PMF1: variants seen among roughly 807,000 people sequenced by gnomAD.
PMF1 encodes the protein polyamine-modulated factor 1.
Under a neutral mutation model 26.7 loss-of-function variants are expected in PMF1, and 21 were observed. The observed-to-expected ratio is 0.79, with a 90% CI of 0.56 to 1.13. The LOEUF (loss-of-function observed/expected upper bound fraction) is 1.13. Ranked by LOEUF, PMF1 falls within the 50% of genes most tolerant of loss-of-function variation. The probability of loss-of-function intolerance (pLI) is 0.00; values close to 1 mark genes in which losing one functional copy is unlikely to be tolerated. For synonymous variants in PMF1, 105 were observed against 101.0 expected (o/e 1.04, Z -0.24); for missense variants, 266 against 254.9 (o/e 1.04, Z -0.30).
chr1:156,225,310 A>ATTTTTTTTTTTGTTT (rs1658303064), intron 1 of PMF1, among the ~76,000 whole-genome samples: 1 of 79,508 alleles, frequency 1.3e-5, no homozygotes, highest in African/African-American at 4.8e-5. Context: ...TTTTTTTTTA[A>ATTTTTTTTTTTGTTT]TTTCAGTAGT....
intron 1 of PMF1, among the ~76,000 whole-genome samples, chr1:156,224,900 ATTTT>A (rs34315812): frequency 6.7e-6 from 1 of 148,674 alleles, no homozygotes; most frequent in African/African-American, 2.5e-5. Context: ...CAAATGGAGA[ATTTT>A]TTTTTTTTCC....
intron 2 of PMF1, 84 bp downstream of exon 2, chr1:156,232,509 C>A: frequency 7.7e-7 from 1 of 1,304,032 alleles, no homozygotes; most frequent in Non-Finnish European, 1.1e-6. Context: ...TGGCCCCACC[C>A]TCTACACCTC....
At chr1:156,215,943 C>T (rs985297430) in intron 1 of PMF1, among the ~76,000 whole-genome samples, 4 of 152,112 alleles carry the variant, frequency 2.6e-5, no homozygotes, top group African/African-American at 9.7e-5. Flanking sequence ...CCTGCCTCGG[C>T]CACTTATTTA....
chr1:156,213,661 T>G (rs1185668901), intron 1 of PMF1, among the ~76,000 whole-genome samples: 1 of 151,736 alleles, frequency 6.6e-6, no homozygotes, highest in Non-Finnish European at 1.5e-5. Flanking sequence ...GGCCCACCAC[T>G]ATGTGAGCAA....
intron 3 of PMF1, among the ~76,000 whole-genome samples, chr1:156,235,435 A>AT (rs36002644): frequency 0.023 from 1,578 of 69,010 alleles, 79 homozygotes; most frequent in African/African-American, 0.061. Flanking sequence ...TTGAAAAATA[A>AT]TTTTTTTTTT....
At chr1:156,227,910 C>T (rs1186107995) in intron 1 of PMF1, among the ~76,000 whole-genome samples, 2 of 149,654 alleles carry the variant, frequency 1.3e-5, no homozygotes, top group Non-Finnish European at 3.0e-5. Context: ...GGATTACAGG[C>T]GTGAGCCACT....
chr1:156,235,342 C>T (rs1572504901), intron 3 of PMF1, among the ~76,000 whole-genome samples: 2 of 149,614 alleles, frequency 1.3e-5, no homozygotes, highest in East Asian at 2.0e-4. Flanking sequence ...CAGGCTGGTC[C>T]CAAACACCGG....
At position 156,225,756 on chromosome 1, in the gene PMF1, C is replaced by A. The variant is rs186136213; in HGVS notation, c.162-6564C>A. Reference sequence around the variant, plus strand: ...TCTTTTATCTTTCCATGCTGTCCTGCACAATTTATCTGCATATGTAAACCA... The same window carrying A: ...TCTTTTATCTTTCCATGCTGTCCTGAACAATTTATCTGCATATGTAAACCA... On this transcript the variant is annotated intron_variant, in intron 1 of 4. Transcript: ENST00000368277. The A allele has an allele frequency of 1.6e-3, 920 of 560,606 alleles. 10 individuals carry two copies. The highest frequency in any genetic ancestry group is 0.012 in the Admixed American group (402 of 34,518). 34.7% of individuals were successfully genotyped at this position (560,606 alleles called of 1,614,324 possible). A position where few individuals can be genotyped will look rare whatever the true frequency, so the allele number is the denominator to read the frequency against.
In PMF1 at chr1:156,213,371, G is replaced by A. The variant is rs187158516; in HGVS notation, c.161+195G>A. On this transcript the variant is annotated intron_variant, in intron 1 of 4. Transcript: ENST00000368277. ...CGCACTGATAACCTGTAGCGGACCGGGATAGCTAGCTACTCCTTCCTACAG... is the reference window on the plus strand; with the variant it reads ...CGCACTGATAACCTGTAGCGGACCGAGATAGCTAGCTACTCCTTCCTACAG... Among the ~76,000 whole-genome samples, 35 of 152,296 alleles carry A rather than the reference G, an allele frequency of 2.3e-4. 1 individual carries two copies. In the East Asian group the frequency reaches 6.7e-3, roughly 29 times the overall value.
Position 156,233,685 on chromosome 1 carries a change from G to A in PMF1, c.325G>A (p.Asp109Asn). 1.2e-6 allele frequency: 2 copies of A among 1,613,756 alleles called. No homozygotes were observed. The highest frequency in any genetic ancestry group is 1.7e-6 in the Non-Finnish European group (2 of 1,179,818). ...CCTAGAAGCTGTCTTGAATGCCTTGGATAAAATTGTGGAAGAAGGCAAAGT... is the reference window on the plus strand; with the variant it reads ...CCTAGAAGCTGTCTTGAATGCCTTGAATAAAATTGTGGAAGAAGGCAAAGT... Reference protein sequence around the residue: ...GNLEAVLNALDKIVEEGKVRK... With the variant: ...GNLEAVLNALNKIVEEGKVRK... Residue 109 changes from aspartate to asparagine, a missense_variant, in exon 3 of 5, where the codon GAT (aspartate) becomes AAT (asparagine). By Grantham distance (23) the Asp-to-Asn change is conservative. Coordinates refer to ENST00000368277, the MANE Select transcript of PMF1 (RefSeq NM_007221.4).
rs377059409 is a variant in PMF1, at chr1:156,233,718, G to A, written c.358G>A (p.Glu120Lys). 6 of 1,613,572 alleles carry A rather than the reference G, an allele frequency of 3.7e-6. No individual in the cohort carries two copies. Among genetic ancestry groups the A allele is most frequent in the Non-Finnish European group, 5.1e-6 (6 of 1,179,794 alleles). ...KIVEEGKVRKEPAWRPSGIPE... is the reference protein window; with the variant it reads ...KIVEEGKVRKKPAWRPSGIPE... ...TGTGGAAGAAGGCAAAGTCCGCAAAGAGCCAGCCTGGTGAGAGTGGGGTGG... is the reference window on the plus strand; with the variant it reads ...TGTGGAAGAAGGCAAAGTCCGCAAAAAGCCAGCCTGGTGAGAGTGGGGTGG... The change falls in exon 3 of 5, where the codon GAG (glutamate) becomes AAG (lysine). Residue 120 changes from glutamate (E) to lysine (K), a missense_variant. Physicochemically the swap from Glu to Lys is moderately conservative, Grantham distance 56. Transcript: ENST00000368277.
At chr1:156,238,803 C>T (rs1659183657) in intron 4 of PMF1, among the ~76,000 whole-genome samples, 1 of 152,146 alleles carries the variant, frequency 6.6e-6, no homozygotes, top group African/African-American at 2.4e-5. Context: ...TCCCTACTGT[C>T]CCCACTCCCT....
intron 1 of PMF1, among the ~76,000 whole-genome samples, chr1:156,217,199 A>T (rs1034686189): frequency 1.3e-5 from 2 of 149,054 alleles, no homozygotes; most frequent in Non-Finnish European, 3.0e-5. Context: ...TAACCTGCAC[A>T]ATGTGCACAT....
chr1:156,231,171 C>T (rs567135974), intron 1 of PMF1, among the ~76,000 whole-genome samples: 252 of 134,352 alleles, frequency 1.9e-3, no homozygotes, highest in Middle Eastern at 9.9e-3. Context: ...GAGCCGAGAT[C>T]GCGCCACTGC....
intron 4 of PMF1, among the ~76,000 whole-genome samples, chr1:156,238,531 C>T (rs1386693044): frequency 6.6e-6 from 1 of 152,212 alleles, no homozygotes; most frequent in Admixed American, 6.5e-5. Flanking sequence ...TAGTAGGGCT[C>T]AAGTGGCGGC....
intron 3 of PMF1, among the ~76,000 whole-genome samples, chr1:156,235,468 G>C (rs1347393347): frequency 1.8e-5 from 2 of 109,000 alleles, no homozygotes; most frequent in Admixed American, 2.5e-4. Flanking sequence ...TTGAGACAGA[G>C]TCTCGCTCTG....
intron 1 of PMF1, among the ~76,000 whole-genome samples, chr1:156,219,162 G>A (rs550356235): frequency 3.3e-5 from 5 of 151,676 alleles, no homozygotes; most frequent in East Asian, 3.9e-4. Flanking sequence ...CAGGTGATTC[G>A]CCCGCCTCAG....
intron 1 of PMF1, among the ~76,000 whole-genome samples, chr1:156,222,168 A>T (rs943808327): frequency 6.6e-6 from 1 of 152,224 alleles, no homozygotes; most frequent in Non-Finnish European, 1.5e-5. Context: ...GTGGGAGTAC[A>T]GCGCATGCAC....
Position 156,236,477 on chromosome 1 carries a change from C to T in PMF1, c.558C>T (p.Ala186=). 1.9e-6 allele frequency: 3 copies of T among 1,609,242 alleles called. No individual in the cohort carries two copies. The highest frequency in any genetic ancestry group is 2.5e-6 in the Non-Finnish European group (3 of 1,177,612). The change falls in exon 4 of 5, where the codon GCC becomes GCT. Residue 186 remains alanine, a synonymous_variant. Transcript: ENST00000368277. ...LQLQVQAQQQ[A]WQALHREQRE... is the part of the protein sequence containing the mutation. ...TACAGGTCCAGGCCCAGCAGCAGGC[C>T]TGGCAGGTCAGTGTCCCAGCCTGCC...
Sources: allele counts gnomAD v4.1 joint callset (sites outside exome capture counted in the v4.1 genomes callset), GRCh38; gene constraint gnomAD v4.1.1; transcripts MANE v1.5; gene names NCBI Gene and HGNC (gene_info 2026-07-23, HGNC 2026-07-21).